The following KAZN variants were observed in gnomAD, a reference collection of about 807,000 sequenced individuals.
The protein encoded by KAZN is kazrin.
KAZN carries 40 observed loss-of-function variants against 87.4 expected under a neutral mutation model. That is an observed-to-expected ratio of 0.46 (90% CI 0.36 to 0.60). The LOEUF (loss-of-function observed/expected upper bound fraction) is 0.60. Ranked by LOEUF, KAZN falls within the 20% of genes least tolerant of loss-of-function variation. The pLI is 0.00. For missense variants in KAZN, 898 were observed against 1,073.9 expected, an observed-to-expected ratio of 0.84 and a Z score of 2.29; for synonymous variants, 466 against 458.3, an observed-to-expected ratio of 1.02 and a Z score of -0.22.
chr1:14,846,914 G>C (rs973978645), intron 1 of KAZN, among the ~76,000 whole-genome samples: 1 of 152,136 alleles, frequency 6.6e-6, no homozygotes, highest in South Asian at 2.1e-4. Flanking sequence ...ACGTGAACCC[G>C]GGTCTGGCTG....
At chr1:14,721,729 G>T (rs1643118621) in intron 1 of KAZN, among the ~76,000 whole-genome samples, 1 of 152,136 alleles carries the variant, frequency 6.6e-6, no homozygotes, top group Non-Finnish European at 1.5e-5. Context: ...TTCTATATAA[G>T]ACCACCTAGT....
chr1:14,270,421 C>A (rs1407530278), intron 2 of KAZN, among the ~76,000 whole-genome samples: 2 of 152,198 alleles, frequency 1.3e-5, no homozygotes, highest in South Asian at 2.1e-4. Flanking sequence ...ATCTTAGACA[C>A]CTTGGGCAAA....
At chr1:14,883,174 A>G (rs1006178841) in intron 1 of KAZN, among the ~76,000 whole-genome samples, 1 of 151,672 alleles carries the variant, frequency 6.6e-6, no homozygotes, top group East Asian at 1.9e-4. Context: ...ACATGCCTGT[A>G]ATCCCAGTTA....
intron 2 of KAZN, among the ~76,000 whole-genome samples, chr1:14,550,676 A>G (rs970990717): frequency 1.0e-4 from 15 of 144,452 alleles, no homozygotes; most frequent in Non-Finnish European, 2.1e-4. Context: ...AACCTAAACA[A>G]TCTAAGTTCC....
At chr1:14,871,667 T>TGTGTGTGA (rs1553148930) in intron 1 of KAZN, among the ~76,000 whole-genome samples, 1 of 151,760 alleles carries the variant, frequency 6.6e-6, no homozygotes, top group Non-Finnish European at 1.5e-5. Flanking sequence ...TGTGTGTGTG[T>TGTGTGTGA]GTGTGTGTGT....
rs1041804432 is a variant in KAZN at position 14,683,694 on chromosome 1, G to T, written c.226+84471G>T. Among the ~76,000 whole-genome samples the T allele has an allele frequency of 2.0e-5, 3 of 152,262 alleles. No homozygotes were observed. The South Asian group carries it at 6.2e-4, about 32-fold the overall frequency. ...TCCCCAGCTCCCAGCCCCCCTATCT[G>T]GTACCAAGGAGATCCTCAGGAAAGG... On this transcript the variant is annotated intron_variant, in intron 1 of 14. Coordinates refer to ENST00000376030, the MANE Select transcript of KAZN (RefSeq NM_201628.3).
chr1:14,163,957 G>A (rs909475700), intron 1 of KAZN, among the ~76,000 whole-genome samples: 5 of 152,144 alleles, frequency 3.3e-5, no homozygotes, highest in Non-Finnish European at 4.4e-5. Flanking sequence ...GGATTCTGCT[G>A]GACATCTTCT....
At chr1:14,819,682 G>A (rs924626474) in intron 1 of KAZN, among the ~76,000 whole-genome samples, 22 of 149,478 alleles carry the variant, frequency 1.5e-4, no homozygotes, top group Admixed American at 1.5e-3. Context: ...ACCATCATGT[G>A]AGCCAATTCC....
At chr1:14,253,981 AT>A (rs1650281046) in intron 2 of KAZN, among the ~76,000 whole-genome samples, 1 of 150,820 alleles carries the variant, frequency 6.6e-6, no homozygotes, top group Non-Finnish European at 1.5e-5. Context: ...GGGTGCATGC[AT>A]TTTTGGTTTC....
At chr1:14,441,348 T>A (rs948318523) in intron 2 of KAZN, among the ~76,000 whole-genome samples, 3 of 152,040 alleles carry the variant, frequency 2.0e-5, no homozygotes, top group Non-Finnish European at 4.4e-5. Context: ...GACTTCCCAG[T>A]ATGTTGTTCC....
rs1488273659 is a variant in KAZN, at chr1:14,598,992, C to G, written c.-6C>G. ...CCTCTCTCGCCCCCAGGCCAAAATC[C>G]TGAGCATGATGGAAGACAATAAGCA... On this transcript the variant is annotated 5_prime_UTR_variant, in exon 1 of 15. Transcript: ENST00000376030. The surrounding 1 kb of genome is among the most constrained non-coding windows in gnomAD (Gnocchi z 4.2). The G allele has an allele frequency of 1.8e-5, 28 of 1,569,108 alleles. No individual in the cohort carries two copies. In the Admixed American group the frequency reaches 4.5e-4, roughly 25 times the overall value.
intron 2 of KAZN, among the ~76,000 whole-genome samples, chr1:14,319,507 G>T (rs569014027): frequency 1.3e-5 from 2 of 152,216 alleles, no homozygotes; most frequent in East Asian, 3.9e-4. Flanking sequence ...GAGGGAGGGG[G>T]GCTCTATGCC....
intron 2 of KAZN, among the ~76,000 whole-genome samples, chr1:14,397,037 C>T (rs1324743550): frequency 6.6e-6 from 1 of 152,066 alleles, no homozygotes; most frequent in Non-Finnish European, 1.5e-5. Context: ...AAGTTTGTTT[C>T]TCCCATTTTT....
intron 2 of KAZN, among the ~76,000 whole-genome samples, chr1:15,002,651 T>A (rs1668603826): frequency 6.6e-6 from 1 of 152,140 alleles, no homozygotes; most frequent in African/African-American, 2.4e-5. Context: ...GTCTTCTAGA[T>A]GAATATTAAA....
rs192173619 is a variant in KAZN at position 14,587,360 on chromosome 1, C to A, written c.250-11623C>A. ...CTGAGGCAGGAAAATTGCTTTAACC[C>A]GGGAGGCAGAGGTTGCAGTGAGCCG... On this transcript the variant is annotated intron_variant, in intron 2 of 16. Coordinates refer to the KAZN transcript ENST00000636203. Among the ~76,000 whole-genome samples the A allele has an allele frequency of 3.7e-3, 558 of 150,542 alleles. 5 individuals are homozygous for A. Among genetic ancestry groups the A allele is most frequent in the African/African-American group, 0.013 (537 of 40,922 alleles).
intron 2 of KAZN, among the ~76,000 whole-genome samples, chr1:14,244,561 G>A (rs927310732): frequency 6.6e-6 from 1 of 152,134 alleles, no homozygotes; most frequent in Non-Finnish European, 1.5e-5. Context: ...GATAGACAAT[G>A]CATCCTACGG....
At chr1:14,306,822 A>T (rs1571267859) in intron 2 of KAZN, among the ~76,000 whole-genome samples, 1 of 152,294 alleles carries the variant, frequency 6.6e-6, no homozygotes, top group African/African-American at 2.4e-5. Flanking sequence ...CCTGGGCTCT[A>T]CCTACAGAGA....
intron 1 of KAZN, among the ~76,000 whole-genome samples, chr1:14,938,859 A>C (rs186610814): frequency 2.0e-5 from 3 of 152,358 alleles, no homozygotes; most frequent in Non-Finnish European, 4.4e-5. Context: ...CCCATCCTAC[A>C]GTAGGAACTT....
intron 2 of KAZN, among the ~76,000 whole-genome samples, chr1:14,371,529 C>T (rs1179895511): frequency 6.6e-6 from 1 of 152,000 alleles, no homozygotes; most frequent in Non-Finnish European, 1.5e-5. Context: ...TCCCAGGGAG[C>T]CCCAAAAGCA....
Sources: gnomAD v4.1 joint callset for allele counts (sites outside exome capture counted in the v4.1 genomes callset) on GRCh38, gnomAD v4.1.1 for gene constraint, Gnocchi (gnomAD v3.1) non-coding constraint, MANE v1.5 for transcripts, NCBI Gene and HGNC (gene_info 2026-07-23, HGNC 2026-07-21) for gene names.